The following JAKMIP1 variants were observed in gnomAD, a reference collection of about 807,000 sequenced individuals.
JAKMIP1 encodes janus kinase and microtubule interacting protein 1.
In JAKMIP1, 33 loss-of-function variants were observed where a neutral mutation model predicts 113.0. That is an observed-to-expected ratio of 0.29 (90% CI 0.22 to 0.39). The LOEUF (loss-of-function observed/expected upper bound fraction) is 0.39. JAKMIP1 is among the 10% of genes least tolerant of loss of function. JAKMIP1 has a pLI of 1.00. For synonymous variants in JAKMIP1, 480 were observed against 459.9 expected, an observed-to-expected ratio of 1.04 and a Z score of -0.56; for missense variants, 813 against 1,080.5, an observed-to-expected ratio of 0.75 and a Z score of 3.47.
chr4:6,085,693 A>G (rs183586228), intron 3 of JAKMIP1, 64 bp from the exon 4 acceptor site: 52 of 1,495,604 alleles, frequency 3.5e-5, no homozygotes, highest in African/African-American at 1.2e-4. Flanking sequence ...TCTCTCCCCA[A>G]ATTGGGGCCT....
rs1488437507 is a variant in JAKMIP1, at chr4:6,140,248, CTCT to C, written c.-147-27254_-147-27252del. ...GGCTGCTCCCTATTTTTCTTTTTTCCTCTTTTTTTTTTTTTTTTCTGTGGGGAG... is the reference window on the plus strand; with the variant it reads ...GGCTGCTCCCTATTTTTCTTTTTTCCTTTTTTTTTTTTTTTCTGTGGGGAG... On this transcript the variant is annotated intron_variant, in intron 1 of 20. Coordinates refer to ENST00000409021, the MANE Select transcript of JAKMIP1 (RefSeq NM_001099433.2). This position sits in a 1 kb window ranked among gnomAD's most constrained non-coding sequence, Gnocchi z 9.4. 2.7e-5 allele frequency among the ~76,000 whole-genome samples: 4 copies of C among 150,610 alleles called. No homozygotes were observed. The highest frequency in any genetic ancestry group is 7.3e-5 in the African/African-American group (3 of 40,926).
rs369585083 is a variant in JAKMIP1 at position 6,199,427 on chromosome 4, G to C, written c.-148+826C>G. ...GGGGGATGGAGCGAAGGACCGAGGG[G>C]CTGGGAGGCGAGGCCGCAGCGCACT... On this transcript the variant is annotated intron_variant, in intron 1 of 20. Transcript: ENST00000409021. The surrounding 1 kb of genome is among the most constrained non-coding windows in gnomAD (Gnocchi z 5.6). 3.9e-5 allele frequency among the ~76,000 whole-genome samples: 6 copies of C among 152,338 alleles called. No individual in the cohort carries two copies. The East Asian group carries it at 1.2e-3, about 29-fold the overall frequency.
chr4:6,059,400 G>T lies in JAKMIP1; in HGVS notation c.1644+1024C>A, dbSNP rs1195188274. The stretch of plus-strand genomic sequence containing the variant: ...TGGAGCTGCTTCTGTTAAGCCGCCT[G>T]GAACCTCTTACACCCCTTGCTTCAC... On this transcript the variant is annotated intron_variant, in intron 11 of 20. Coordinates refer to ENST00000409021, the MANE Select transcript of JAKMIP1 (RefSeq NM_001099433.2). This position sits in a 1 kb window ranked among gnomAD's most constrained non-coding sequence, Gnocchi z 4.8. Among the ~76,000 whole-genome samples the T allele has an allele frequency of 6.6e-6, 1 of 152,124 alleles. No individual in the cohort carries two copies. The highest frequency in any genetic ancestry group is 2.4e-5 in the African/African-American group (1 of 41,434).
At chr4:6,071,457 C>T (rs1451591405) in intron 8 of JAKMIP1, among the ~76,000 whole-genome samples, 9 of 152,246 alleles carry the variant, frequency 5.9e-5, no homozygotes, top group African/African-American at 2.2e-4. Context: ...CGGGCACCTA[C>T]AGACCCAGCC....
intron 1 of JAKMIP1, among the ~76,000 whole-genome samples, chr4:6,195,485 A>G (rs377412635): frequency 6.4e-4 from 97 of 152,386 alleles, no homozygotes; most frequent in African/African-American, 2.3e-3. Context: ...TAGGCCATCA[A>G]GGAATTGTCA....
chr4:6,131,520 A>G (rs1718520220), intron 1 of JAKMIP1, among the ~76,000 whole-genome samples: 1 of 152,158 alleles, frequency 6.6e-6, no homozygotes, highest in Non-Finnish European at 1.5e-5. Flanking sequence ...ACTTGAGGCC[A>G]GGAGTTCGAG....
intron 1 of JAKMIP1, among the ~76,000 whole-genome samples, chr4:6,121,754 T>C (rs1314491538): frequency 1.3e-5 from 2 of 152,316 alleles, no homozygotes; most frequent in African/African-American, 4.8e-5. Flanking sequence ...AAAGCTAACA[T>C]TGATTTTTAT....
chr4:6,128,012 A>G (rs1371786650), intron 1 of JAKMIP1, among the ~76,000 whole-genome samples: 1 of 152,100 alleles, frequency 6.6e-6, no homozygotes, highest in African/African-American at 2.4e-5. Context: ...CAGGCGCCCC[A>G]TCTGCCTTTC....
Position 6,158,613 on chromosome 4 carries a change from C to T in JAKMIP1, c.-148+41640G>A, listed in dbSNP as rs971076550. Among the ~76,000 whole-genome samples the T allele has an allele frequency of 6.6e-6, 1 of 152,066 alleles. No individual in the cohort carries two copies. The highest frequency in any genetic ancestry group is 6.5e-5 in the Admixed American group (1 of 15,272). On this transcript the variant is annotated intron_variant, in intron 1 of 20. Coordinates refer to ENST00000409021, the MANE Select transcript of JAKMIP1 (RefSeq NM_001099433.2). This position sits in a 1 kb window ranked among gnomAD's most constrained non-coding sequence, Gnocchi z 5.3. ...ACTCCATCCCATAGGGCCATTTCTC[C>T]ACCCCCCACCCCCACCAGCCCCAGC...
At position 6,165,342 on chromosome 4, in the gene JAKMIP1, G is replaced by C. The variant is rs556458795; in HGVS notation, c.-148+34911C>G. Among the ~76,000 whole-genome samples the C allele has an allele frequency of 4.6e-5, 7 of 152,340 alleles. No homozygotes were observed. The South Asian group carries it at 1.4e-3, about 32-fold the overall frequency. On this transcript the variant is annotated intron_variant, in intron 1 of 20. Transcript: ENST00000409021. ...GCTCTGTAGCCCAGGCTGGAGTGCA[G>C]TGGCACAATCTCAGCTCACTGCAGC...
intron 1 of JAKMIP1, among the ~76,000 whole-genome samples, chr4:6,173,803 T>C (rs967771531): frequency 1.3e-5 from 2 of 152,160 alleles, no homozygotes; most frequent in African/African-American, 4.8e-5. Context: ...CAGCTGGGCA[T>C]GGTGGCTCAC....
rs952803119 is a variant in JAKMIP1 at position 6,155,399 on chromosome 4, G to A, written c.-147-42402C>T. ...CCCTCAAGAGAACCCTAAAACATAG[G>A]TATTCTAGAGATTTAAAAAGTATGG... On this transcript the variant is annotated intron_variant, in intron 1 of 20. Coordinates refer to ENST00000409021, the MANE Select transcript of JAKMIP1 (RefSeq NM_001099433.2). The surrounding 1 kb of genome is among the most constrained non-coding windows in gnomAD (Gnocchi z 6.1). 1.3e-5 allele frequency among the ~76,000 whole-genome samples: 2 copies of A among 152,174 alleles called. No homozygotes were observed. The highest frequency in any genetic ancestry group is 2.1e-4 in the South Asian group (1 of 4,820).
At position 6,142,484 on chromosome 4, in the gene JAKMIP1, A is replaced by G. The variant is rs979511578; in HGVS notation, c.-147-29487T>C. Among the ~76,000 whole-genome samples the G allele has an allele frequency of 6.6e-6, 1 of 152,266 alleles. No homozygotes were observed. The highest frequency in any genetic ancestry group is 2.4e-5 in the African/African-American group (1 of 41,470). The stretch of plus-strand genomic sequence containing the variant: ...CATGAGAGAAGTCCTACGTACACTC[A>G]GCAATATGTAACAGTTAAGGGATTT... On this transcript the variant is annotated intron_variant, in intron 1 of 20. Transcript: ENST00000409021. The surrounding 1 kb of genome is among the most constrained non-coding windows in gnomAD (Gnocchi z 5.5).
At chr4:6,126,750 A>G (rs1717722698) in intron 1 of JAKMIP1, among the ~76,000 whole-genome samples, 1 of 151,410 alleles carries the variant, frequency 6.6e-6, no homozygotes, top group South Asian at 2.1e-4. Flanking sequence ...CCAGGCAGAA[A>G]CACACAACAC....
Position 6,085,247 on chromosome 4 carries a change from G to A in JAKMIP1, c.834+173C>T, listed in dbSNP as rs1054499694. 2.6e-5 allele frequency among the ~76,000 whole-genome samples: 4 copies of A among 152,052 alleles called. No individual in the cohort carries two copies. The East Asian group carries it at 5.8e-4, about 22-fold the overall frequency. On this transcript the variant is annotated intron_variant, in intron 4 of 20. Transcript: ENST00000409021. The stretch of plus-strand genomic sequence containing the variant: ...TCTCTTACAAAGGCCGCCACGCACC[G>A]GCACCTCACACAGCGTCCAGCACAA...
At chr4:6,085,701 C>T in intron 3 of JAKMIP1, 72 bp from the exon 4 acceptor site, 1 of 1,429,316 alleles carries the variant, frequency 7.0e-7, no homozygotes, top group South Asian at 1.2e-5. Flanking sequence ...CAAATTGGGG[C>T]CTTCGGCCCA....
chr4:6,056,719 G>T lies in JAKMIP1; in HGVS notation c.1685C>A (p.Thr562Lys), dbSNP rs1298687760. 1.4e-5 allele frequency: 22 copies of T among 1,613,532 alleles called. No homozygotes were observed. Among genetic ancestry groups the T allele is most frequent in the Non-Finnish European group, 1.8e-5 (21 of 1,179,748 alleles). ...CACCTTTTCCAGCAAGTCTTGGTTT[G>T]TTCTGATGAGCAGCTGCTTCTCTTC... ...WVEEKQLLIR[T>K]NQDLLEKIYR... Residue 562 changes from threonine to lysine, a missense_variant, in exon 12 of 21, where the codon ACA (threonine) becomes AAA (lysine). Thr to Lys is a moderately conservative substitution (Grantham distance 78). Around this residue, in one of 2 missense-constraint regions of JAKMIP1, gnomAD observed 273 missense variants for 426.6 expected, o/e 0.64. Transcript: ENST00000409021.
chr4:6,160,956 C>T (rs1365145397), intron 1 of JAKMIP1, among the ~76,000 whole-genome samples: 1 of 148,574 alleles, frequency 6.7e-6, no homozygotes, highest in Non-Finnish European at 1.5e-5. Context: ...CTCCCCTGAC[C>T]TCCACTCACC....
At position 6,093,966 on chromosome 4, in the gene JAKMIP1, A is replaced by C. The variant is rs1722454402; in HGVS notation, c.625-8337T>G. On this transcript the variant is annotated intron_variant, in intron 3 of 20. Transcript: ENST00000409021. This position sits in a 1 kb window ranked among gnomAD's most constrained non-coding sequence, Gnocchi z 4.6. ...CCTGGCTCGGCTGGGCAGTCCCCAG[A>C]TGTCCTGCCCTTCACCTCCCAAGCA... is the stretch of plus-strand genomic sequence containing the variant. Among the ~76,000 whole-genome samples the C allele has an allele frequency of 6.6e-6, 1 of 151,940 alleles. No homozygotes were observed. Among genetic ancestry groups the C allele is most frequent in the African/African-American group, 2.4e-5 (1 of 41,370 alleles).
Sources: allele counts gnomAD v4.1 joint callset (sites outside exome capture counted in the v4.1 genomes callset), GRCh38; gene constraint gnomAD v4.1.1; regional missense constraint gnomAD v4.1.1; non-coding constraint Gnocchi (gnomAD v3.1); transcripts MANE v1.5; gene names NCBI Gene and HGNC (gene_info 2026-07-23, HGNC 2026-07-21).